PRKN: variants seen among roughly 807,000 people sequenced by gnomAD.
PRKN encodes E3 ubiquitin-protein ligase parkin.
In PRKN, 56 loss-of-function variants were observed where a neutral mutation model predicts 59.5. The observed-to-expected ratio is 0.94, with a 90% CI of 0.76 to 1.18. PRKN has a LOEUF of 1.18. PRKN is among the 50% of genes most tolerant of loss of function. PRKN has a pLI of 0.00. For missense variants in PRKN, 657 were observed against 596.4 expected (o/e 1.10, Z -1.06); for synonymous variants, 250 against 222.1 (o/e 1.13, Z -1.12).
At chr6:161,823,275 T>G (rs1792110377) in intron 6 of PRKN, among the ~76,000 whole-genome samples, 1 of 152,130 alleles carries the variant, frequency 6.6e-6, no homozygotes. Flanking sequence ...TACTTCTTTA[T>G]GAAATAAATA....
At chr6:162,184,053 C>T (rs953274520) in intron 4 of PRKN, among the ~76,000 whole-genome samples, 14 of 151,598 alleles carry the variant, frequency 9.2e-5, no homozygotes, top group South Asian at 4.2e-4. Context: ...GATAATCTGA[C>T]TATTTAATTT....
chr6:161,951,763 A>C (rs558715327), intron 6 of PRKN, among the ~76,000 whole-genome samples: 51 of 152,202 alleles, frequency 3.4e-4, no homozygotes, highest in African/African-American at 1.2e-3. Context: ...TAAAAATACA[A>C]AAAGTTACCT....
chr6:162,566,351 G>A (rs887213005), intron 1 of PRKN, among the ~76,000 whole-genome samples: 6 of 151,966 alleles, frequency 3.9e-5, no homozygotes, highest in African/African-American at 1.4e-4. Context: ...CAAAAAGTTG[G>A]TTTCTTGAAA....
chr6:161,385,968 T>C lies in PRKN; in HGVS notation c.1167+826A>G, dbSNP rs74703057. Among the ~76,000 whole-genome samples the C allele has an allele frequency of 2.5e-3, 386 of 152,332 alleles. 5 individuals carry two copies. Among genetic ancestry groups the C allele is most frequent in the African/African-American group, 8.9e-3 (371 of 41,570 alleles). On this transcript the variant is annotated intron_variant, in intron 10 of 11. Coordinates refer to ENST00000366898, the MANE Select transcript of PRKN (RefSeq NM_004562.3). The surrounding 1 kb of genome is among the most constrained non-coding windows in gnomAD (Gnocchi z 4.9). ...ATAAACTCATCTGCAGAATTCCATA[T>C]AGGGATACACTTATTCATGCTCTGA...
At chr6:162,534,197 T>TA (rs1262651578) in intron 1 of PRKN, among the ~76,000 whole-genome samples, 4 of 152,136 alleles carry the variant, frequency 2.6e-5, no homozygotes, top group African/African-American at 9.7e-5. Context: ...TTCGCCATCT[T>TA]ACGCTAGCAG....
intron 2 of PRKN, among the ~76,000 whole-genome samples, chr6:162,266,109 G>A (rs1780118898): frequency 6.6e-6 from 1 of 152,080 alleles, no homozygotes; most frequent in Non-Finnish European, 1.5e-5. Flanking sequence ...TGGAGAATTA[G>A]CACCCTAGCC....
chr6:161,425,633 A>G (rs1788308938), intron 9 of PRKN, among the ~76,000 whole-genome samples: 1 of 152,280 alleles, frequency 6.6e-6, no homozygotes, highest in East Asian at 1.9e-4. Flanking sequence ...CTCCCCAGTC[A>G]GACATGATAA....
Position 162,609,328 on chromosome 6 carries a change from C to T in PRKN, c.7+118334G>A, listed in dbSNP as rs1387379761. On this transcript the variant is annotated intron_variant, in intron 1 of 11. Transcript: ENST00000366898. ...TTCACTGCAGACCTGAAGAAGTAACCCACGAAAGTGGGAATTAAACTGGAC... is the reference window on the plus strand; with the variant it reads ...TTCACTGCAGACCTGAAGAAGTAACTCACGAAAGTGGGAATTAAACTGGAC... 2.0e-5 allele frequency among the ~76,000 whole-genome samples: 3 copies of T among 152,142 alleles called. 1 individual carries two copies. In the East Asian group the frequency reaches 5.8e-4, roughly 29 times the overall value.
intron 7 of PRKN, among the ~76,000 whole-genome samples, chr6:161,640,041 C>G (rs1285362487): frequency 6.6e-6 from 1 of 152,210 alleles, no homozygotes; most frequent in Admixed American, 6.5e-5. Flanking sequence ...GCTCTTTTAA[C>G]GTCTCCTGGG....
At chr6:161,541,601 G>A (rs910148905) in intron 9 of PRKN, among the ~76,000 whole-genome samples, 2 of 152,056 alleles carry the variant, frequency 1.3e-5, no homozygotes, top group Admixed American at 6.5e-5. Context: ...AGGGTGGATC[G>A]CCTGAGGTCA....
At chr6:162,695,556 C>A (rs542367688) in intron 1 of PRKN, among the ~76,000 whole-genome samples, 1 of 152,076 alleles carries the variant, frequency 6.6e-6, no homozygotes, top group Non-Finnish European at 1.5e-5. Context: ...CAATTTCTAT[C>A]ATTTTCCATC....
intron 1 of PRKN, among the ~76,000 whole-genome samples, chr6:162,619,144 CTT>C (rs144005690): frequency 3.1e-3 from 403 of 132,124 alleles, no homozygotes; most frequent in African/African-American, 6.1e-3. Context: ...AGTATTTTTC[CTT>C]TTTTTTTTTT....
intron 1 of PRKN, among the ~76,000 whole-genome samples, chr6:162,630,474 A>G (rs1035008486): frequency 1.3e-5 from 2 of 152,140 alleles, no homozygotes; most frequent in African/African-American, 4.8e-5. Context: ...AATCGTTGAC[A>G]ACGTAATATA....
chr6:161,562,740 CCAGT>C lies in PRKN; in HGVS notation c.933+6611_933+6614del, dbSNP rs563692664. The stretch of plus-strand genomic sequence containing the variant: ...ACTCCTTCCTTTCCCTGACCCACAG[CCAGT>C]CAGTCACCAAGTCCTTGAATTCTGC... On this transcript the variant is annotated intron_variant, in intron 8 of 11. Transcript: ENST00000366898. The surrounding 1 kb of genome is among the most constrained non-coding windows in gnomAD (Gnocchi z 4.3). Among the ~76,000 whole-genome samples, 432 of 152,326 alleles carry C rather than the reference CCAGT, an allele frequency of 2.8e-3. 1 individual carries two copies. The highest frequency in any genetic ancestry group is 4.6e-3 in the Non-Finnish European group (312 of 68,034).
chr6:162,436,532 G>A (rs895294394), intron 2 of PRKN, among the ~76,000 whole-genome samples: 11 of 151,684 alleles, frequency 7.3e-5, no homozygotes, highest in Non-Finnish European at 1.2e-4. Flanking sequence ...AGCTGGTGTC[G>A]AACTCCTGAC....
intron 4 of PRKN, among the ~76,000 whole-genome samples, chr6:162,106,136 T>A (rs533663051): frequency 6.6e-6 from 1 of 152,280 alleles, no homozygotes; most frequent in East Asian, 1.9e-4. Context: ...TCGTTCAAAG[T>A]AACAATGCAC....
rs192818641 is a variant in PRKN at position 161,379,456 on chromosome 6, G to A, written c.1167+7338C>T. Among the ~76,000 whole-genome samples the A allele has an allele frequency of 4.7e-4, 71 of 152,306 alleles. No homozygotes were observed. The Middle Eastern group carries it at 0.01, about 22-fold the overall frequency. The stretch of plus-strand genomic sequence containing the variant: ...AGTCTCTCTCATTCCACAAGCAAAT[G>A]TCTCCAGGCAGTGCAAGGGGCAGAC... On this transcript the variant is annotated intron_variant, in intron 10 of 11. Transcript: ENST00000366898. This position sits in a 1 kb window ranked among gnomAD's most constrained non-coding sequence, Gnocchi z 4.9.
intron 2 of PRKN, among the ~76,000 whole-genome samples, chr6:162,323,095 T>TA (rs1783100455): frequency 7.3e-6 from 1 of 136,394 alleles, no homozygotes; most frequent in Non-Finnish European, 1.6e-5. Flanking sequence ...GGGGGAGGGA[T>TA]AGCACTGGGA....
chr6:162,330,944 G>T (rs1439203050), intron 2 of PRKN, among the ~76,000 whole-genome samples: 3 of 152,062 alleles, frequency 2.0e-5, no homozygotes, highest in African/African-American at 7.2e-5. Flanking sequence ...AGACCCCAGG[G>T]GTCCTTCACT....
Sources: gnomAD v4.1 joint callset for allele counts (sites outside exome capture counted in the v4.1 genomes callset) on GRCh38, gnomAD v4.1.1 for gene constraint, Gnocchi (gnomAD v3.1) non-coding constraint, MANE v1.5 for transcripts, NCBI Gene and HGNC (gene_info 2026-07-23, HGNC 2026-07-21) for gene names.